The following GABRG2 variants were observed in gnomAD, a reference collection of about 807,000 sequenced individuals.
GABRG2 encodes the protein gamma-aminobutyric acid receptor subunit gamma-2.
A neutral mutation model predicts 56.4 loss-of-function variants in GABRG2; 16 were observed. That is an observed-to-expected ratio of 0.28 (90% confidence interval 0.19 to 0.43). The LOEUF is 0.43. Among genes scored for constraint, GABRG2 ranks in the 20% least tolerant of loss-of-function variants. GABRG2 has a pLI of 1.00. For missense variants in GABRG2, 327 were observed against 582.7 expected (o/e 0.56, Z 4.52); for synonymous variants, 208 against 205.5 (o/e 1.01, Z -0.10).
intron 1 of GABRG2, among the ~76,000 whole-genome samples, chr5:162,068,537 G>C (rs923350074): frequency 2.0e-5 from 3 of 151,774 alleles, no homozygotes; most frequent in South Asian, 2.1e-4. Context: ...AGGGAGCTGG[G>C]GGGAGGGGCG....
At chr5:162,091,358 T>C (rs1409943121) in intron 1 of GABRG2, among the ~76,000 whole-genome samples, 1 of 152,058 alleles carries the variant, frequency 6.6e-6, no homozygotes, top group Non-Finnish European at 1.5e-5. Flanking sequence ...ATAATAATTG[T>C]CATGGACTTA....
intron 6 of GABRG2, among the ~76,000 whole-genome samples, chr5:162,118,294 C>T (rs1039436123): frequency 2.6e-5 from 4 of 151,430 alleles, no homozygotes; most frequent in African/African-American, 9.7e-5. Flanking sequence ...CAATTATATA[C>T]TGTAACAGCC....
At chr5:162,102,510 T>G (rs978566639) in intron 5 of GABRG2, 1 of 454,024 alleles carries the variant, frequency 2.2e-6, no homozygotes. Flanking sequence ...TATCATCATT[T>G]TTGTTGTTGT....
chr5:162,068,829 CT>C (rs1758440811), intron 1 of GABRG2, among the ~76,000 whole-genome samples: 1 of 152,088 alleles, frequency 6.6e-6, no homozygotes, highest in Admixed American at 6.6e-5. Flanking sequence ...AGATCCTGAT[CT>C]GTTTACCTCT....
intron 5 of GABRG2, chr5:162,102,525 G>GTTT (rs1554098127): frequency 4.2e-5 from 19 of 453,748 alleles, no homozygotes; most frequent in African/African-American, 3.4e-4. Context: ...TGTTGTTGTT[G>GTTT]TTGTTTTGTT....
chr5:162,098,221 G>C, intron 4 of GABRG2: 1 of 263,988 alleles, frequency 3.8e-6, no homozygotes, highest in South Asian at 4.4e-5. Flanking sequence ...GTTGCTAAAA[G>C]AGAATTTTTG....
intron 6 of GABRG2, among the ~76,000 whole-genome samples, chr5:162,134,319 C>G (rs1214930196): frequency 6.7e-6 from 1 of 149,958 alleles, no homozygotes; most frequent in East Asian, 1.9e-4. Flanking sequence ...CTTTCTAACT[C>G]TCTTTTTTGA....
chr5:162,146,148 G>T (rs759325788), intron 7 of GABRG2, among the ~76,000 whole-genome samples: 1 of 151,898 alleles, frequency 6.6e-6, no homozygotes, highest in South Asian at 2.1e-4. Flanking sequence ...TATGGAAGAC[G>T]CCAGACCCAT....
chr5:162,136,854 T>C lies in GABRG2; in HGVS notation c.770-5310T>C, dbSNP rs371826918. ...TGTGTAAGATAAATTAGCATGTGTC[T>C]GTTATATGAGAACTCTTGTGCCATT... On this transcript the variant is annotated intron_variant, in intron 6 of 9. Coordinates refer to ENST00000639213, the MANE Select transcript of GABRG2 (RefSeq NM_198904.4). 1.4e-3 allele frequency among the ~76,000 whole-genome samples: 214 copies of C among 152,344 alleles called. 2 individuals carry two copies. The highest frequency in any genetic ancestry group is 5.0e-3 in the African/African-American group (207 of 41,572).
intron 1 of GABRG2, among the ~76,000 whole-genome samples, chr5:162,078,968 A>C (rs1349177026): frequency 1.3e-5 from 2 of 150,428 alleles, no homozygotes; most frequent in Non-Finnish European, 3.0e-5. Context: ...TCTTTTATAT[A>C]TTAATAATTA....
chr5:162,125,124 G>A (rs549374808), intron 6 of GABRG2, among the ~76,000 whole-genome samples: 15 of 151,550 alleles, frequency 9.9e-5, no homozygotes, highest in Non-Finnish European at 2.2e-4. Flanking sequence ...AAAACCCTGG[G>A]ACAAATATGC....
rs112773323 is a variant in GABRG2 at position 162,107,165 on chromosome 5, T to C, written c.769+3139T>C. 4.3e-3 allele frequency among the ~76,000 whole-genome samples: 655 copies of C among 152,284 alleles called. 5 individuals are homozygous for C. The highest frequency in any genetic ancestry group is 0.014 in the African/African-American group (564 of 41,562). ...GTAGTGGCTTCCAACTCCATCCATGTTCTTGCAAAGAACATGTTCTCATTT... is the reference window on the plus strand; with the variant it reads ...GTAGTGGCTTCCAACTCCATCCATGCTCTTGCAAAGAACATGTTCTCATTT... On this transcript the variant is annotated intron_variant, in intron 6 of 9. Transcript: ENST00000639213.
At position 162,142,643 on chromosome 5, in the gene GABRG2, G is replaced by T. The variant is rs536344143; in HGVS notation, c.922+327G>T. ...AAACCATCATTCTCAGCAAACTATC[G>T]CAAGGACAAAAAACCAAACACTGCA... On this transcript the variant is annotated intron_variant, in intron 7 of 9. Coordinates refer to ENST00000639213, the MANE Select transcript of GABRG2 (RefSeq NM_198904.4). 2.3e-5 allele frequency: 8 copies of T among 348,630 alleles called. No individual in the cohort carries two copies. The Admixed American group carries it at 2.7e-4, about 12-fold the overall frequency. 21.6% of individuals were successfully genotyped at this position (348,630 alleles called of 1,614,324 possible).
At position 162,151,756 on chromosome 5, in the gene GABRG2, A is replaced by G. The variant is rs1404293710; in HGVS notation, c.1152+3A>G. On this transcript the variant is annotated splice_donor_region_variant and intron_variant, in intron 9 of 9. Transcript: ENST00000639213. ...TTCTTCGGATGTTTTCCTTCAAGGTATAATGTTTTTGGAATGGAAATTCAC... is the reference window on the plus strand; with the variant it reads ...TTCTTCGGATGTTTTCCTTCAAGGTGTAATGTTTTTGGAATGGAAATTCAC... 1 of 1,610,514 alleles carries G rather than the reference A, an allele frequency of 6.2e-7. No homozygotes were observed. The highest frequency in any genetic ancestry group is 1.7e-5 in the Admixed American group (1 of 59,930).
chr5:162,116,392 C>T (rs1281573744), intron 6 of GABRG2, among the ~76,000 whole-genome samples: 1 of 150,698 alleles, frequency 6.6e-6, no homozygotes, highest in Non-Finnish European at 1.5e-5. Flanking sequence ...AGAACAATCT[C>T]AATTGTTCTA....
At chr5:162,094,859 A>T (rs900420579) in intron 2 of GABRG2, 2 of 152,364 alleles carry the variant, frequency 1.3e-5, no homozygotes, top group Admixed American at 1.3e-4. Context: ...TTTTAATATC[A>T]GTCTTCTCTG....
chr5:162,106,548 T>G (rs370041571), intron 6 of GABRG2, among the ~76,000 whole-genome samples: 2 of 152,226 alleles, frequency 1.3e-5, no homozygotes, highest in Admixed American at 1.3e-4. Context: ...GTGTAACTAA[T>G]GAATGTCTAC....
chr5:162,109,531 A>G (rs923400244), intron 6 of GABRG2, among the ~76,000 whole-genome samples: 1 of 150,696 alleles, frequency 6.6e-6, no homozygotes, highest in African/African-American at 2.4e-5. Context: ...CACAACAGAA[A>G]CCTTCTTTTA....
intron 6 of GABRG2, among the ~76,000 whole-genome samples, chr5:162,130,881 C>G (rs931414483): frequency 6.6e-6 from 1 of 151,878 alleles, no homozygotes; most frequent in Non-Finnish European, 1.5e-5. Flanking sequence ...CACTGAGTCC[C>G]CATAGAAGGC....
Sources: allele counts gnomAD v4.1 joint callset (sites outside exome capture counted in the v4.1 genomes callset), GRCh38; gene constraint gnomAD v4.1.1; transcripts MANE v1.5; gene names NCBI Gene and HGNC (gene_info 2026-07-23, HGNC 2026-07-21).